The following SCTR variants were observed in gnomAD, a reference collection of about 807,000 sequenced individuals.
The protein encoded by SCTR is pancreatic secretin receptor.
A neutral mutation model predicts 60.8 loss-of-function variants in SCTR; 56 were observed. That is an observed-to-expected ratio of 0.92 (90% CI 0.74 to 1.15). The LOEUF (loss-of-function observed/expected upper bound fraction) is 1.15. SCTR is among the 50% of genes most tolerant of loss of function. The probability of loss-of-function intolerance (pLI) is 0.00; values close to 1 mark genes in which losing one functional copy is unlikely to be tolerated. For missense variants in SCTR, 562 were observed against 550.4 expected (o/e 1.02, Z -0.21); for synonymous variants, 202 against 217.0 (o/e 0.93, Z 0.61).
intron 11 of SCTR, among the ~76,000 whole-genome samples, chr2:119,442,536 T>A (rs1682695406): frequency 6.6e-6 from 1 of 152,226 alleles, no homozygotes; most frequent in Non-Finnish European, 1.5e-5. Context: ...GGGTGATGAA[T>A]CAGCTCATCG....
chr2:119,469,954 A>C (rs1291401180), intron 4 of SCTR, among the ~76,000 whole-genome samples: 6 of 152,210 alleles, frequency 3.9e-5, no homozygotes, highest in Admixed American at 3.9e-4. Context: ...TGTCACAGAC[A>C]TTTTTTGTTA....
At chr2:119,480,206 G>A (rs1341501253) in intron 2 of SCTR, among the ~76,000 whole-genome samples, 1 of 152,202 alleles carries the variant, frequency 6.6e-6, no homozygotes, top group Non-Finnish European at 1.5e-5. Context: ...TCATGCTGCT[G>A]ATAAAGACAT....
chr2:119,489,741 A>G (rs574635114), intron 2 of SCTR, among the ~76,000 whole-genome samples: 1 of 152,334 alleles, frequency 6.6e-6, no homozygotes, highest in Admixed American at 6.5e-5. Flanking sequence ...AGAAATGGAC[A>G]GGCAGGAAAT....
intron 1 of SCTR, among the ~76,000 whole-genome samples, chr2:119,515,497 G>A (rs1226487512): frequency 1.3e-5 from 2 of 152,212 alleles, no homozygotes; most frequent in Non-Finnish European, 2.9e-5. Flanking sequence ...CTGCTTCAAC[G>A]TGGGCAGGCA....
chr2:119,454,121 G>A (rs867320870), intron 7 of SCTR, among the ~76,000 whole-genome samples: 24 of 152,272 alleles, frequency 1.6e-4, no homozygotes, highest in South Asian at 6.2e-4. Context: ...CCAGAGGAGT[G>A]GCAGCTGATG....
chr2:119,491,963 T>G (rs1678149739), intron 2 of SCTR, among the ~76,000 whole-genome samples: 1 of 152,230 alleles, frequency 6.6e-6, no homozygotes, highest in African/African-American at 2.4e-5. Flanking sequence ...AAACTCAACC[T>G]GCAACATCCA....
chr2:119,478,981 G>A (rs1466280624), intron 2 of SCTR, 63 bp from the exon 3 acceptor site: 1 of 1,600,638 alleles, frequency 6.2e-7, no homozygotes, highest in Admixed American at 1.7e-5. Context: ...CTACCATCCT[G>A]TCCACATCAC....
At chr2:119,496,100 G>A (rs1006602381) in intron 1 of SCTR, among the ~76,000 whole-genome samples, 44 of 152,138 alleles carry the variant, frequency 2.9e-4, no homozygotes, top group African/African-American at 4.8e-4. Context: ...GGTTCTTGCC[G>A]AAGCCCATAG....
intron 1 of SCTR, among the ~76,000 whole-genome samples, chr2:119,511,844 A>C (rs1573925271): frequency 6.6e-6 from 1 of 152,210 alleles, no homozygotes; most frequent in Admixed American, 6.5e-5. Flanking sequence ...ATTTTTATTA[A>C]TTTGATTAAT....
intron 1 of SCTR, among the ~76,000 whole-genome samples, chr2:119,515,557 A>G (rs74842199): frequency 1.2e-3 from 177 of 152,340 alleles, no homozygotes; most frequent in African/African-American, 4.2e-3. Context: ...AGAGAAAGGT[A>G]AATTCACTAA....
In SCTR at chr2:119,524,299, G is replaced by T; in HGVS notation, c.-73C>A. 1 of 1,054,276 alleles carries T rather than the reference G, an allele frequency of 9.5e-7. No homozygotes were observed. Among genetic ancestry groups the T allele is most frequent in the Non-Finnish European group, 1.3e-6 (1 of 789,274 alleles). The allele number at this position is 1,054,276 out of a possible 1,614,324, so 65.3% of individuals were successfully genotyped here. On this transcript the variant is annotated 5_prime_UTR_variant, in exon 1 of 13. Coordinates refer to ENST00000019103, the MANE Select transcript of SCTR (RefSeq NM_002980.3). ...CCCTCTGCCCGCTCGGGAGCTCAGC[G>T]CCCCGCGCAGGGTCCCGGGCTCCGG...
At chr2:119,487,975 C>T (rs1036871987) in intron 2 of SCTR, among the ~76,000 whole-genome samples, 17 of 152,292 alleles carry the variant, frequency 1.1e-4, no homozygotes, top group African/African-American at 4.1e-4. Context: ...CAGATCTAGG[C>T]CTTGGCCATT....
At chr2:119,450,078 A>AAT (rs1683099083) in intron 9 of SCTR, among the ~76,000 whole-genome samples, 21 of 145,092 alleles carry the variant, frequency 1.4e-4, no homozygotes, top group African/African-American at 5.5e-4. Flanking sequence ...GAAAGAAAGA[A>AAT]AAATAAATAA....
intron 1 of SCTR, among the ~76,000 whole-genome samples, chr2:119,512,351 CT>C: frequency 1.3e-5 from 1 of 77,068 alleles, no homozygotes; most frequent in African/African-American, 7.8e-5. Context: ...CCTTCTCCTT[CT>C]CCTTCTCCTT....
Position 119,460,936 on chromosome 2 carries a change from A to G in SCTR, c.790+911T>C, listed in dbSNP as rs533175790. 1.2e-4 allele frequency among the ~76,000 whole-genome samples: 19 copies of G among 152,202 alleles called. 1 individual carries two copies. Among genetic ancestry groups the G allele is most frequent in the Admixed American group, 1.0e-3 (16 of 15,290 alleles). On this transcript the variant is annotated intron_variant, in intron 7 of 12. Coordinates refer to ENST00000019103, the MANE Select transcript of SCTR (RefSeq NM_002980.3). ...GTCCAACCAGAGTGCACCTCAGAATATTTGCTAAGAATGCTGGATGGAGTC... is the reference window on the plus strand; with the variant it reads ...GTCCAACCAGAGTGCACCTCAGAATGTTTGCTAAGAATGCTGGATGGAGTC...
intron 6 of SCTR, 34 bp from the exon 7 acceptor site, chr2:119,462,034 G>C: frequency 6.3e-7 from 1 of 1,575,422 alleles, no homozygotes; most frequent in East Asian, 2.3e-5. Flanking sequence ...CCCAGGCCGG[G>C]TGGCAGTGGG....
chr2:119,474,678 G>T (rs1380018461), intron 3 of SCTR, among the ~76,000 whole-genome samples: 1 of 152,218 alleles, frequency 6.6e-6, no homozygotes, highest in African/African-American at 2.4e-5. Flanking sequence ...AGGGTTTAGG[G>T]TCTAATCCTC....
chr2:119,441,698 G>T, intron 11 of SCTR, 99 bp from the exon 12 acceptor site: 1 of 1,006,974 alleles, frequency 9.9e-7, no homozygotes, highest in Non-Finnish European at 1.5e-6. Flanking sequence ...TTAATCACCA[G>T]CTACAGGCTC....
Position 119,481,579 on chromosome 2 carries a change from C to T in SCTR, c.194-2661G>A, listed in dbSNP as rs1159067486. On this transcript the variant is annotated intron_variant, in intron 2 of 12. Coordinates refer to ENST00000019103, the MANE Select transcript of SCTR (RefSeq NM_002980.3). ...CCTCATTTCTAGGCTTAGCCCTACC[C>T]CTGGCTCCCAGGAGCAATTCACAGA... Among the ~76,000 whole-genome samples the T allele has an allele frequency of 2.6e-5, 4 of 152,218 alleles. No homozygotes were observed. In the East Asian group the frequency reaches 7.7e-4, roughly 29 times the overall value.
Sources: gnomAD v4.1 joint callset for allele counts (sites outside exome capture counted in the v4.1 genomes callset) on GRCh38, gnomAD v4.1.1 for gene constraint, MANE v1.5 for transcripts, NCBI Gene and HGNC (gene_info 2026-07-23, HGNC 2026-07-21) for gene names.